ARHGAP21: variants seen among roughly 807,000 people sequenced by gnomAD.
The protein encoded by ARHGAP21 is Rho GTPase activating protein 21.
ARHGAP21 carries 38 observed loss-of-function variants against 164.6 expected under a neutral mutation model. The ratio of observed to expected loss-of-function variants is 0.23; its 90% confidence interval spans 0.18 to 0.30. The LOEUF (loss-of-function observed/expected upper bound fraction) is 0.30. ARHGAP21 is among the 10% of genes least tolerant of loss of function. ARHGAP21 has a pLI of 1.00. For missense variants in ARHGAP21, 1,822 were observed against 2,370.7 expected, an observed-to-expected ratio of 0.77 and a Z score of 4.81; for synonymous variants, 766 against 857.9, an observed-to-expected ratio of 0.89 and a Z score of 1.87.
At chr10:24,692,592 G>A (rs1314329799) in intron 2 of ARHGAP21, among the ~76,000 whole-genome samples, 1 of 152,154 alleles carries the variant, frequency 6.6e-6, no homozygotes, top group African/African-American at 2.4e-5. Flanking sequence ...GGCACTTTGG[G>A]AGGCCAAGGT....
At chr10:24,655,638 C>G (rs1201613958) in intron 4 of ARHGAP21, among the ~76,000 whole-genome samples, 2 of 149,080 alleles carry the variant, frequency 1.3e-5, no homozygotes, top group South Asian at 2.2e-4. Flanking sequence ...GCCGCCACCC[C>G]GTCTGGGAAG....
intron 2 of ARHGAP21, among the ~76,000 whole-genome samples, chr10:24,673,045 A>C (rs890025889): frequency 6.6e-6 from 1 of 152,232 alleles, no homozygotes; most frequent in African/African-American, 2.4e-5. Context: ...ATTAAGAGAT[A>C]TTAAAGAATA....
At chr10:24,707,195 G>A (rs1203505394) in intron 2 of ARHGAP21, among the ~76,000 whole-genome samples, 3 of 152,176 alleles carry the variant, frequency 2.0e-5, no homozygotes, top group Admixed American at 2.0e-4. Flanking sequence ...TGTGAGAAAA[G>A]CCTAGATCTT....
chr10:24,632,031 CAT>C (rs1323741733), intron 6 of ARHGAP21, among the ~76,000 whole-genome samples: 2 of 152,164 alleles, frequency 1.3e-5, no homozygotes, highest in South Asian at 2.1e-4. Context: ...CACAAGGACA[CAT>C]GTTATATTAA....
At chr10:24,599,452 A>G (rs1366543602) in intron 14 of ARHGAP21, among the ~76,000 whole-genome samples, 1 of 152,236 alleles carries the variant, frequency 6.6e-6, no homozygotes, top group African/African-American at 2.4e-5. Context: ...CAGAGTGTAA[A>G]CTACCAAAGG....
intron 24 of ARHGAP21, 109 bp downstream of exon 24, chr10:24,591,116 G>A: frequency 9.1e-7 from 1 of 1,095,188 alleles, no homozygotes; most frequent in Non-Finnish European, 1.3e-6. Context: ...GAAAGGAAGA[G>A]AAAAAGAAAA....
intron 2 of ARHGAP21, among the ~76,000 whole-genome samples, chr10:24,711,921 C>CT (rs1052870151): frequency 8.6e-4 from 126 of 146,542 alleles, no homozygotes; most frequent in African/African-American, 1.5e-3. Flanking sequence ...TAATTAAGAA[C>CT]TTTTTTTTTT....
chr10:24,668,005 G>A (rs1840358213), intron 3 of ARHGAP21, among the ~76,000 whole-genome samples: 1 of 152,020 alleles, frequency 6.6e-6, no homozygotes, highest in African/African-American at 2.4e-5. Flanking sequence ...TTAAATAATA[G>A]CATTAATAGC....
At chr10:24,627,182 G>A (rs1384628204) in intron 7 of ARHGAP21, among the ~76,000 whole-genome samples, 1 of 152,056 alleles carries the variant, frequency 6.6e-6, no homozygotes, top group East Asian at 1.9e-4. Context: ...CTGTTGCCCA[G>A]GCAAACATAT....
intron 2 of ARHGAP21, among the ~76,000 whole-genome samples, chr10:24,706,126 A>T (rs1009717517): frequency 3.3e-5 from 5 of 152,240 alleles, no homozygotes; most frequent in Admixed American, 1.3e-4. Flanking sequence ...GCTAAAAAGC[A>T]ACTCACTCCA....
At position 24,596,809 on chromosome 10, in the gene ARHGAP21, C is replaced by G. The variant is rs1200877970; in HGVS notation, c.3408G>C (p.Glu1136Asp). 1.2e-6 allele frequency: 2 copies of G among 1,612,808 alleles called. No individual in the cohort carries two copies. Among genetic ancestry groups the G allele is most frequent in the Admixed American group, 3.4e-5 (2 of 59,690 alleles). The change falls in exon 17 of 26, where the codon GAG (glutamate) becomes GAC (aspartate). Residue 1136 changes from glutamate to aspartate, a missense_variant. Around this residue, in one of 5 missense-constraint regions of ARHGAP21, gnomAD observed 1,090 missense variants for 1,378.9 expected, o/e 0.79. Coordinates refer to ENST00000396432, the MANE Select transcript of ARHGAP21 (RefSeq NM_020824.4). ...AAGTTCCTGTAGCAGTTGGCTTTTT[C>G]TCAAATGTCTTTCTCATGATACTTG... ...GIPSIMRKTF[E>D]KKPTATGTFG...
chr10:24,606,322 A>G (rs1232680188), intron 11 of ARHGAP21, among the ~76,000 whole-genome samples: 1 of 152,186 alleles, frequency 6.6e-6, no homozygotes, highest in Non-Finnish European at 1.5e-5. Flanking sequence ...AGCTTTCTTT[A>G]TATAAAAAGG....
chr10:24,656,379 G>A (rs1375436606), intron 4 of ARHGAP21, among the ~76,000 whole-genome samples: 10 of 105,936 alleles, frequency 9.4e-5, no homozygotes, highest in African/African-American at 2.0e-4. Context: ...CGCCCCGTCC[G>A]GGAGGGAGGT....
intron 4 of ARHGAP21, among the ~76,000 whole-genome samples, chr10:24,659,833 G>A (rs1367455939): frequency 6.6e-6 from 1 of 152,212 alleles, no homozygotes; most frequent in East Asian, 1.9e-4. Context: ...GAGAGGCTGT[G>A]GTAGAAACTT....
chr10:24,676,953 G>A (rs1355784537), intron 2 of ARHGAP21, among the ~76,000 whole-genome samples: 8 of 152,042 alleles, frequency 5.3e-5, no homozygotes, highest in Admixed American at 2.6e-4. Flanking sequence ...CCTGTAATCC[G>A]AGCACTTTGA....
intron 6 of ARHGAP21, among the ~76,000 whole-genome samples, chr10:24,630,378 C>T (rs1367185801): frequency 6.6e-6 from 1 of 152,166 alleles, no homozygotes; most frequent in East Asian, 1.9e-4. Context: ...TTAACAATAT[C>T]AGTATACAAT....
Position 24,595,037 on chromosome 10 carries a change from A to G in ARHGAP21, c.3789T>C (p.Ile1263=). ...LDRLKTLKRL[I]HDLPEHHYET... ...CATAATGATGTTCAGGCAAATCGTG[A>G]ATCTGAAACAGATTATTTTCACAAT... Residue 1263 remains isoleucine (I), a splice_region_variant and synonymous_variant, in exon 21 of 26, where the codon ATT becomes ATC. Transcript: ENST00000396432. 3 of 1,612,200 alleles carry G rather than the reference A, an allele frequency of 1.9e-6. No individual in the cohort carries two copies. The highest frequency in any genetic ancestry group is 2.5e-6 in the Non-Finnish European group (3 of 1,178,622).
intron 9 of ARHGAP21, among the ~76,000 whole-genome samples, chr10:24,614,305 G>T (rs1013246712): frequency 1.3e-5 from 2 of 152,100 alleles, no homozygotes; most frequent in Non-Finnish European, 2.9e-5. Flanking sequence ...AGTTCAAAAG[G>T]CCTACAATTA....
At chr10:24,591,724 T>G in intron 22 of ARHGAP21, 41 bp from the exon 23 acceptor site, 1 of 1,609,748 alleles carries the variant, frequency 6.2e-7, no homozygotes, top group South Asian at 1.1e-5. Flanking sequence ...TAAACAAGCC[T>G]TTAAATATAC....
Sources: allele counts gnomAD v4.1 joint callset (sites outside exome capture counted in the v4.1 genomes callset), GRCh38; gene constraint gnomAD v4.1.1; regional missense constraint gnomAD v4.1.1; transcripts MANE v1.5; gene names NCBI Gene and HGNC (gene_info 2026-07-23, HGNC 2026-07-21).